SNX2: variants seen among roughly 807,000 people sequenced by gnomAD.
SNX2 encodes sorting nexin-2.
A neutral mutation model predicts 69.9 loss-of-function variants in SNX2; 25 were observed. The ratio of observed to expected loss-of-function variants is 0.36; its 90% CI spans 0.26 to 0.50. The LOEUF (loss-of-function observed/expected upper bound fraction) is 0.50. Among genes scored for constraint, SNX2 ranks in the 20% least tolerant of loss-of-function variants. SNX2 has a pLI of 0.97. For synonymous variants in SNX2, 229 were observed against 200.4 expected (o/e 1.14, Z -1.20); for missense variants, 551 against 613.3 (o/e 0.90, Z 1.07).
At chr5:122,795,537 C>G (rs1753358075) in intron 2 of SNX2, 154 bp downstream of exon 2, 1 of 595,836 alleles carries the variant, frequency 1.7e-6, no homozygotes, top group Non-Finnish European at 3.0e-6. Flanking sequence ...AGTCACATCA[C>G]TCTATGAAAA....
chr5:122,808,440 T>A, intron 7 of SNX2, 85 bp downstream of exon 7: 1 of 1,018,230 alleles, frequency 9.8e-7, no homozygotes, highest in Non-Finnish European at 1.4e-6. Flanking sequence ...AACTGTGTTT[T>A]AATGATTAAA....
At chr5:122,789,474 GACACACACACACACAC>G (rs60199625) in intron 1 of SNX2, among the ~76,000 whole-genome samples, 2 of 144,608 alleles carry the variant, frequency 1.4e-5, no homozygotes, top group South Asian at 2.3e-4. Flanking sequence ...GACACACACG[GACACACACACACACAC>G]ACACACACAC....
intron 5 of SNX2, among the ~76,000 whole-genome samples, chr5:122,802,463 A>G (rs1753538493): frequency 6.6e-6 from 1 of 152,196 alleles, no homozygotes; most frequent in Non-Finnish European, 1.5e-5. Context: ...GCTTTCTAGA[A>G]TCTCCAAGAA....
chr5:122,827,986 C>G, intron 14 of SNX2: 1 of 189,210 alleles, frequency 5.3e-6, no homozygotes, highest in East Asian at 1.3e-4. Context: ...AAGTTCTTCT[C>G]TTCCATAACA....
chr5:122,807,018 G>C (rs903213826), intron 6 of SNX2, among the ~76,000 whole-genome samples: 4 of 152,154 alleles, frequency 2.6e-5, no homozygotes, highest in Non-Finnish European at 2.9e-5. Context: ...GGGTGTGGTA[G>C]CACATGCCTG....
In SNX2 at chr5:122,832,563, A is replaced by G. The variant is rs576697415; in HGVS notation, c.*2915A>G. On this transcript the variant is annotated 3_prime_UTR_variant, in exon 15 of 15. Coordinates refer to ENST00000379516, the MANE Select transcript of SNX2 (RefSeq NM_003100.4). ...TTTTCTTTATTATCTAGATCTAGTA[A>G]AGTTTTCTGCATTCATTGTATTAAT... is the stretch of plus-strand genomic sequence containing the variant. 45 of 152,182 alleles carry G rather than the reference A, an allele frequency of 3.0e-4. No homozygotes were observed. Among genetic ancestry groups the G allele is most frequent in the Middle Eastern group, 3.4e-3 (1 of 294 alleles). 9.4% of individuals were successfully genotyped at this position (152,182 alleles called of 1,614,324 possible). A position where few individuals can be genotyped will look rare whatever the true frequency, so the allele number is the denominator to read the frequency against.
chr5:122,794,817 T>TTCAAG (rs1307775876), intron 1 of SNX2, among the ~76,000 whole-genome samples: 1 of 151,774 alleles, frequency 6.6e-6, no homozygotes, highest in African/African-American at 2.4e-5. Flanking sequence ...AACTCAGGAG[T>TTCAAG]TCAAGCTGGG....
At chr5:122,813,847 C>A (rs1753837967) in intron 7 of SNX2, among the ~76,000 whole-genome samples, 1 of 147,754 alleles carries the variant, frequency 6.8e-6, no homozygotes, top group African/African-American at 2.5e-5. Context: ...AATCTCGGCT[C>A]ACTGCAACCT....
chr5:122,799,950 T>C, intron 3 of SNX2, 95 bp downstream of exon 3: 1 of 972,780 alleles, frequency 1.0e-6, no homozygotes, highest in Non-Finnish European at 1.5e-6. Context: ...ATCAAAGCCT[T>C]TTAGACATTT....
At chr5:122,806,137 C>CAT (rs1188812699) in intron 6 of SNX2, among the ~76,000 whole-genome samples, 6 of 112,942 alleles carry the variant, frequency 5.3e-5, no homozygotes, top group African/African-American at 1.5e-4. Context: ...TATACACACG[C>CAT]GCGCGCACAC....
At chr5:122,805,533 A>G (rs1039109022) in intron 6 of SNX2, among the ~76,000 whole-genome samples, 1 of 152,002 alleles carries the variant, frequency 6.6e-6, no homozygotes, top group Non-Finnish European at 1.5e-5. Flanking sequence ...ATTTAGATGA[A>G]TTTGTTATAT....
intron 1 of SNX2, among the ~76,000 whole-genome samples, chr5:122,795,033 AG>A (rs1225768798): frequency 2.0e-5 from 3 of 152,184 alleles, no homozygotes; most frequent in Middle Eastern, 3.2e-3. Context: ...AAAAATAAAA[AG>A]AAAAAAAAGG....
rs949526546 is a variant in SNX2 at position 122,810,400 on chromosome 5, A to T, written c.722+2045A>T. On this transcript the variant is annotated intron_variant, in intron 7 of 14. Transcript: ENST00000379516. ...GAGAAACACCCAAGAATGATCAATT[A>T]AAAAAAAAAAAAAAAAAAAAAGAAT... 1.6e-4 allele frequency among the ~76,000 whole-genome samples: 19 copies of T among 116,978 alleles called. No homozygotes were observed. In the East Asian group the frequency reaches 3.9e-3, roughly 24 times the overall value. 76.7% of individuals were successfully genotyped at this position (116,978 alleles called of 152,430 possible).
chr5:122,829,556 A>C, intron 14 of SNX2, 42 bp from the exon 15 acceptor site: 1 of 1,525,492 alleles, frequency 6.6e-7, no homozygotes. Context: ...TAAATGACAA[A>C]AAGGTAATGA....
At chr5:122,786,269 T>C (rs1461492121) in intron 1 of SNX2, among the ~76,000 whole-genome samples, 5 of 152,126 alleles carry the variant, frequency 3.3e-5, no homozygotes, top group Admixed American at 3.3e-4. Flanking sequence ...TTAGGCAACA[T>C]GTGTGTAGTT....
At chr5:122,800,657 G>A (rs554580023) in intron 3 of SNX2, among the ~76,000 whole-genome samples, 63 of 152,196 alleles carry the variant, frequency 4.1e-4, no homozygotes, top group African/African-American at 1.4e-3. Context: ...GATTACAAAC[G>A]TGTTCACTTT....
intron 1 of SNX2, among the ~76,000 whole-genome samples, chr5:122,783,288 C>T (rs988812985): frequency 1.3e-5 from 2 of 152,024 alleles, no homozygotes; most frequent in African/African-American, 4.8e-5. Flanking sequence ...TTTCTCAGAG[C>T]AGATGTTTAA....
intron 7 of SNX2, chr5:122,815,601 A>C (rs1753882304): frequency 5.0e-6 from 1 of 199,236 alleles, no homozygotes; most frequent in African/African-American, 2.3e-5. Flanking sequence ...TTTGCAACAT[A>C]ATACTTTGCA....
chr5:122,818,076 T>C (rs1446623830), intron 10 of SNX2, among the ~76,000 whole-genome samples: 1 of 152,150 alleles, frequency 6.6e-6, no homozygotes, highest in Non-Finnish European at 1.5e-5. Flanking sequence ...ACATTTATTA[T>C]TGAAAGTAGT....
Sources: allele counts gnomAD v4.1 joint callset (sites outside exome capture counted in the v4.1 genomes callset), GRCh38; gene constraint gnomAD v4.1.1; transcripts MANE v1.5; gene names NCBI Gene and HGNC (gene_info 2026-07-23, HGNC 2026-07-21).